Variants in MORN4 observed in about 807,000 individuals in gnomAD.
The protein encoded by MORN4 is MORN repeat containing 4.
MORN4 carries 8 observed loss-of-function variants against 16.4 expected under a neutral mutation model. The observed-to-expected ratio is 0.49, with a 90% CI of 0.29 to 0.88. The LOEUF is 0.88. Among genes scored for constraint, MORN4 ranks in the 40% least tolerant of loss-of-function variants. MORN4 has a pLI of 0.09. For missense variants in MORN4, 159 were observed against 182.9 expected (o/e 0.87, Z 0.75); for synonymous variants, 53 against 68.9 (o/e 0.77, Z 1.14).
At chr10:97,632,779 T>C (rs569737946) in intron 1 of MORN4, among the ~76,000 whole-genome samples, 3 of 151,804 alleles carry the variant, frequency 2.0e-5, no homozygotes, top group Non-Finnish European at 2.9e-5. Context: ...GCCAGAATAC[T>C]ATCCTATTTC....
chr10:97,632,559 CTG>C (rs1301674880), intron 1 of MORN4, among the ~76,000 whole-genome samples: 1 of 151,986 alleles, frequency 6.6e-6, no homozygotes, highest in African/African-American at 2.4e-5. Context: ...CTCGAAATAA[CTG>C]TTTTTCATTA....
At position 97,627,293 on chromosome 10, in the gene MORN4, G is replaced by GCCA. The variant is rs1358965504; in HGVS notation, c.-31+6051_-31+6053dup. On this transcript the variant is annotated intron_variant, in intron 1 of 4. Transcript: ENST00000307450. ...TGAGTAGCTGGCATTACAGGTGTGT[G>GCCA]CCACCACGCCTAGCTACTTTTTGTA... Among the ~76,000 whole-genome samples, 6 of 151,356 alleles carry GCCA rather than the reference G, an allele frequency of 4.0e-5. No individual in the cohort carries two copies. The East Asian group carries it at 9.9e-4, about 25-fold the overall frequency.
intron 2 of MORN4, among the ~76,000 whole-genome samples, chr10:97,618,952 G>T (rs2041263734): frequency 1.3e-5 from 2 of 152,078 alleles, no homozygotes; most frequent in Admixed American, 1.3e-4. Flanking sequence ...TGTTAAATGG[G>T]AATAATAATA....
At chr10:97,633,693 C>A, upstream of MORN4, 1 of 1,200,658 alleles carries the variant, frequency 8.3e-7, no homozygotes. The surrounding 1 kb of genome is among the most constrained non-coding windows in gnomAD (Gnocchi z 4.5). Context: ...TCTGGCCTAC[C>A]CAGAGGCCGT....
intron 1 of MORN4, among the ~76,000 whole-genome samples, chr10:97,620,508 GA>G (rs796870489): frequency 3.4e-4 from 30 of 88,322 alleles, no homozygotes; most frequent in Non-Finnish European, 5.2e-4. Context: ...AAAAAAAAAA[GA>G]AAAAAAAAAG....
chr10:97,628,571 T>A (rs1265569055), intron 1 of MORN4, among the ~76,000 whole-genome samples: 2 of 151,784 alleles, frequency 1.3e-5, no homozygotes, highest in Non-Finnish European at 2.9e-5. Context: ...TCTCACTGTG[T>A]CACACAGGCT....
chr10:97,633,299 C>T lies in MORN4; in HGVS notation c.-31+48G>A, dbSNP rs762906461. ...GCTCCGTTCCTCAGTGCCCACCTGA[C>T]CGATCACACTCTTTCCCGGCCCCCT... is the stretch of plus-strand genomic sequence containing the variant. On this transcript the variant is annotated intron_variant, in intron 1 of 4. Coordinates refer to ENST00000307450, the MANE Select transcript of MORN4 (RefSeq NM_178832.4). The surrounding 1 kb of genome is among the most constrained non-coding windows in gnomAD (Gnocchi z 4.5). The T allele has an allele frequency of 7.8e-7, 1 of 1,284,628 alleles. No individual in the cohort carries two copies. The highest frequency in any genetic ancestry group is 5.6e-5 in the East Asian group (1 of 17,970). 79.6% of individuals were successfully genotyped at this position (1,284,628 alleles called of 1,614,324 possible).
intron 1 of MORN4, among the ~76,000 whole-genome samples, chr10:97,625,504 TCC>T (rs1289214126): frequency 6.6e-6 from 1 of 152,212 alleles, no homozygotes; most frequent in African/African-American, 2.4e-5. Flanking sequence ...CTAGGGCCTG[TCC>T]ACTAAATGTT....
intron 1 of MORN4, among the ~76,000 whole-genome samples, chr10:97,630,548 T>C (rs1394894456): frequency 1.3e-5 from 2 of 152,228 alleles, no homozygotes; most frequent in Admixed American, 1.3e-4. Flanking sequence ...CTTCAGCAAA[T>C]GCTTGCCAAA....
intron 1 of MORN4, among the ~76,000 whole-genome samples, chr10:97,626,555 A>C (rs1209706966): frequency 1.3e-5 from 2 of 150,344 alleles, no homozygotes; most frequent in African/African-American, 4.9e-5. Context: ...TCCCGAGTTC[A>C]AGTAATTCTC....
At chr10:97,632,393 A>G (rs1039772927) in intron 1 of MORN4, among the ~76,000 whole-genome samples, 4 of 151,690 alleles carry the variant, frequency 2.6e-5, no homozygotes, top group African/African-American at 9.7e-5. Context: ...TAATTTTTGT[A>G]TTTTTAGTAG....
chr10:97,617,752 C>G (rs1041528392), intron 2 of MORN4, among the ~76,000 whole-genome samples: 1 of 151,974 alleles, frequency 6.6e-6, no homozygotes, highest in Non-Finnish European at 1.5e-5. Flanking sequence ...CCCAGCTACT[C>G]GGGAGGCTGA....
chr10:97,628,780 C>T (rs1033623183), intron 1 of MORN4, among the ~76,000 whole-genome samples: 3 of 152,142 alleles, frequency 2.0e-5, no homozygotes, highest in African/African-American at 7.2e-5. Context: ...GATCTGCCTG[C>T]CTTGGACTCC....
chr10:97,616,370 T>C lies in MORN4; in HGVS notation c.334A>G (p.Asn112Asp). ...FPDGSHGIPR[N>D]EGLFENNKLL... ...TTGTTGTTCTCAAAGAGACCTTCAT[T>C]GCGGGGGATTCCATGAGAACCATCA... Residue 112 changes from asparagine to aspartate, a missense_variant, in exon 5 of 5, where the codon AAT becomes GAT. By Grantham distance (23) the Asn-to-Asp change is conservative. Transcript: ENST00000307450. The C allele has an allele frequency of 6.2e-7, 1 of 1,611,878 alleles. No homozygotes were observed. The highest frequency in any genetic ancestry group is 8.5e-7 in the Non-Finnish European group (1 of 1,178,944).
At chr10:97,617,629 C>G (rs991246540) in intron 2 of MORN4, among the ~76,000 whole-genome samples, 6 of 152,146 alleles carry the variant, frequency 3.9e-5, no homozygotes, top group Non-Finnish European at 5.9e-5. Flanking sequence ...TTTTGGGAGG[C>G]TGAGGGTGGA....
rs2041228093 is a variant in MORN4 at position 97,615,423 on chromosome 10, TA to T, written c.*839del. On this transcript the variant is annotated 3_prime_UTR_variant, in exon 5 of 5. Coordinates refer to ENST00000307450, the MANE Select transcript of MORN4 (RefSeq NM_178832.4). ...ATAGCAAGACCCTGGCTCAATTTTT[TA>T]TAATAATAAAATTAAAGGCTGAGCG... 1 of 152,158 alleles carries T rather than the reference TA, an allele frequency of 6.6e-6. No homozygotes were observed. Among genetic ancestry groups the T allele is most frequent in the South Asian group, 2.1e-4 (1 of 4,824 alleles). 9.4% of individuals were successfully genotyped at this position (152,158 alleles called of 1,614,324 possible). A position where few individuals can be genotyped will look rare whatever the true frequency, so the allele number is the denominator to read the frequency against.
At chr10:97,620,744 G>A (rs2041283408) in intron 1 of MORN4, among the ~76,000 whole-genome samples, 1 of 152,020 alleles carries the variant, frequency 6.6e-6, no homozygotes, top group South Asian at 2.1e-4. Context: ...TTGGGAGGCC[G>A]AGGTGGGAGG....
rs566017482 is a variant in MORN4 at position 97,617,294 on chromosome 10, C to T, written c.96G>A (p.Met32Ile). The T allele has an allele frequency of 2.5e-6, 4 of 1,614,192 alleles. No individual in the cohort carries two copies. The highest frequency in any genetic ancestry group is 1.7e-5 in the Admixed American group (1 of 60,008). ...EGRRHGFGQL[M>I]FADGGTYLGH... ...CCAGGTAGGTGCCACCATCTGCAAA[C>T]ATCAGTTGACCAAAACCATGCCTGC... is the stretch of plus-strand genomic sequence containing the variant. Residue 32 changes from methionine to isoleucine, a missense_variant, in exon 3 of 5, where the codon ATG becomes ATA. Transcript: ENST00000307450.
intron 1 of MORN4, among the ~76,000 whole-genome samples, chr10:97,628,893 A>C (rs2041371523): frequency 6.6e-6 from 1 of 152,220 alleles, no homozygotes. Flanking sequence ...ATTTTAAGGA[A>C]GCCAATGAAA....
Sources: allele counts gnomAD v4.1 joint callset (sites outside exome capture counted in the v4.1 genomes callset), GRCh38; gene constraint gnomAD v4.1.1; non-coding constraint Gnocchi (gnomAD v3.1); transcripts MANE v1.5; gene names NCBI Gene and HGNC (gene_info 2026-07-23, HGNC 2026-07-21).